FLRT1: variants seen among roughly 807,000 people sequenced by gnomAD.
FLRT1 encodes leucine-rich repeat transmembrane protein FLRT1.
FLRT1 carries 14 observed loss-of-function variants against 30.9 expected under a neutral mutation model. The ratio of observed to expected loss-of-function variants is 0.45; its 90% CI spans 0.30 to 0.71. The LOEUF (loss-of-function observed/expected upper bound fraction) is 0.71, where lower values mean the gene tolerates loss of function less well. Ranked by LOEUF, FLRT1 falls within the 30% of genes least tolerant of loss-of-function variation. The pLI is 0.08. For synonymous variants in FLRT1, 368 were observed against 430.4 expected, an observed-to-expected ratio of 0.85 and a Z score of 1.80; for missense variants, 737 against 949.2, an observed-to-expected ratio of 0.78 and a Z score of 2.94.
intron 1 of FLRT1, among the ~76,000 whole-genome samples, chr11:64,084,500 G>A (rs1318969395): frequency 6.6e-6 from 1 of 152,246 alleles, no homozygotes; most frequent in Non-Finnish European, 1.5e-5. Context: ...GTGAGCCTTG[G>A]GGTCACGGGG....
At chr11:64,038,432 G>A (rs921998804) in intron 1 of FLRT1, among the ~76,000 whole-genome samples, 24 of 152,228 alleles carry the variant, frequency 1.6e-4, no homozygotes, top group Admixed American at 3.3e-4. Context: ...TGCTTGCTTC[G>A]AAGTTAGCTG....
In FLRT1 at chr11:64,082,275, G is replaced by GA. The variant is rs761151234; in HGVS notation, c.-1037-20915dup. On this transcript the variant is annotated intron_variant, in intron 1 of 2. Coordinates refer to ENST00000682287, the MANE Select transcript of FLRT1 (RefSeq NM_013280.5). The surrounding 1 kb of genome is among the most constrained non-coding windows in gnomAD (Gnocchi z 4.5). ...AGGATGGCTGAGCCTGGGGGGTGGA[G>GA]AAAATCTTGCCTCCTGCTCTGAGCA... Among the ~76,000 whole-genome samples the GA allele has an allele frequency of 2.0e-5, 3 of 152,126 alleles. No homozygotes were observed. Among genetic ancestry groups the GA allele is most frequent in the Non-Finnish European group, 2.9e-5 (2 of 68,028 alleles).
At chr11:64,057,120 C>T (rs1943800522) in intron 1 of FLRT1, among the ~76,000 whole-genome samples, 1 of 152,252 alleles carries the variant, frequency 6.6e-6, no homozygotes, top group Non-Finnish European at 1.5e-5. Context: ...TGTTCATCGG[C>T]TCCCTAAGTG....
At chr11:64,092,676 C>T (rs1163135218) in intron 1 of FLRT1, among the ~76,000 whole-genome samples, 1 of 152,228 alleles carries the variant, frequency 6.6e-6, no homozygotes, top group Non-Finnish European at 1.5e-5. Flanking sequence ...ACCAGGGAGG[C>T]ACAGGGCAGG....
At position 64,117,587 on chromosome 11, in the gene FLRT1, C is replaced by A. The variant is rs1945013332; in HGVS notation, c.1320C>A (p.Ala440=). The A allele has an allele frequency of 6.2e-7, 1 of 1,611,938 alleles. No homozygotes were observed. Among genetic ancestry groups the A allele is most frequent in the South Asian group, 1.1e-5 (1 of 90,888 alleles). Residue 440 remains alanine, a synonymous_variant, in exon 3 of 3, where the codon GCC becomes GCA. Coordinates refer to ENST00000682287, the MANE Select transcript of FLRT1 (RefSeq NM_013280.5). ...CGGGTGATGGCGCCAAGACCCTGGC[C>A]ATCCACGTGAAGGCCCTGACGGCAG... ...MATGDGAKTL[A]IHVKALTADS...
intron 1 of FLRT1, among the ~76,000 whole-genome samples, chr11:64,049,376 TC>T (rs2134407908): frequency 6.6e-6 from 1 of 152,328 alleles, no homozygotes; most frequent in East Asian, 1.9e-4. Context: ...CCACGGCCAG[TC>T]CTGGGCAGGG....
chr11:64,070,244 C>T (rs1022552105), intron 1 of FLRT1, among the ~76,000 whole-genome samples: 2 of 152,120 alleles, frequency 1.3e-5, no homozygotes, highest in African/African-American at 4.8e-5. Flanking sequence ...TCTGAGTCTA[C>T]TGATCAGAGC....
At chr11:64,109,713 T>C (rs750139904) in intron 2 of FLRT1, among the ~76,000 whole-genome samples, 9 of 152,050 alleles carry the variant, frequency 5.9e-5, no homozygotes, top group Non-Finnish European at 1.3e-4. Context: ...AGGGGATGGT[T>C]GATGGCCCCA....
At chr11:64,042,067 A>C (rs560835705) in intron 1 of FLRT1, among the ~76,000 whole-genome samples, 109 of 152,150 alleles carry the variant, frequency 7.2e-4, no homozygotes, top group African/African-American at 2.6e-3. Context: ...CCAGGCCTGG[A>C]GCTGGCCACA....
rs757935460 is a variant in FLRT1 at position 64,117,956 on chromosome 11, G to A, written c.1689G>A (p.Leu563=). 5.0e-6 allele frequency: 8 copies of A among 1,613,590 alleles called. No homozygotes were observed. In the Admixed American group the frequency reaches 8.3e-5, roughly 17 times the overall value. Reference sequence around the variant, plus strand: ...GCATCATCGGCGGGGCAGTGGCTCTGGTCTTCCTCTTCCTGGTCCTGGGGG... The same window carrying A: ...GCATCATCGGCGGGGCAGTGGCTCTAGTCTTCCTCTTCCTGGTCCTGGGGG... ...LAGIIGGAVA[L]VFLFLVLGAI... is the part of the protein sequence containing the mutation. Residue 563 remains leucine (L), a synonymous_variant, in exon 3 of 3, where the codon CTG becomes CTA. Transcript: ENST00000682287.
chr11:64,049,146 GC>G (rs1943642762), intron 1 of FLRT1, among the ~76,000 whole-genome samples: 1 of 152,194 alleles, frequency 6.6e-6, no homozygotes, highest in African/African-American at 2.4e-5. Flanking sequence ...AAGTGACAGA[GC>G]CCCTGAGAGG....
At chr11:64,075,760 C>T (rs976203593) in intron 1 of FLRT1, among the ~76,000 whole-genome samples, 1 of 152,374 alleles carries the variant, frequency 6.6e-6, no homozygotes, top group Middle Eastern at 3.4e-3. Context: ...GCAACCTCCA[C>T]CTCCCAGGTT....
chr11:64,115,575 ATGT>A (rs899432040), intron 2 of FLRT1, among the ~76,000 whole-genome samples: 18 of 152,320 alleles, frequency 1.2e-4, no homozygotes, highest in African/African-American at 3.6e-4. Context: ...ACAACAGGAC[ATGT>A]TGTTTTAACA....
intron 1 of FLRT1, among the ~76,000 whole-genome samples, chr11:64,043,890 C>A (rs983554911): frequency 2.0e-5 from 3 of 151,520 alleles, no homozygotes; most frequent in Non-Finnish European, 2.9e-5. Flanking sequence ...GGGCTCACAG[C>A]AACCTCTGTC....
chr11:64,104,790 G>A (rs1278456622), intron 2 of FLRT1, among the ~76,000 whole-genome samples: 1 of 152,168 alleles, frequency 6.6e-6, no homozygotes, highest in African/African-American at 2.4e-5. Context: ...CTGAGGCCCA[G>A]AGAAGGGCAG....
intron 1 of FLRT1, among the ~76,000 whole-genome samples, chr11:64,042,419 G>C (rs1193285615): frequency 6.6e-6 from 1 of 152,200 alleles, no homozygotes; most frequent in Non-Finnish European, 1.5e-5. Flanking sequence ...GAATGGGGGG[G>C]TGTGAAGGAA....
chr11:64,069,648 T>C (rs1565218407), intron 1 of FLRT1, among the ~76,000 whole-genome samples: 1 of 151,866 alleles, frequency 6.6e-6, no homozygotes, highest in African/African-American at 2.4e-5. Context: ...ATCCTGGGCA[T>C]GGGGAGGCAG....
chr11:64,049,477 G>C (rs1028052537), intron 1 of FLRT1, among the ~76,000 whole-genome samples: 2 of 152,194 alleles, frequency 1.3e-5, no homozygotes, highest in African/African-American at 2.4e-5. Flanking sequence ...CAACCTTATG[G>C]GGGAGGTATG....
Position 64,067,208 on chromosome 11 carries a change from A to C in FLRT1, c.-1038+31049A>C, listed in dbSNP as rs1232109412. On this transcript the variant is annotated intron_variant, in intron 1 of 2. Transcript: ENST00000682287. This position sits in a 1 kb window ranked among gnomAD's most constrained non-coding sequence, Gnocchi z 4.6. ...ACATGCGGCTCCAAGGAGATGGCAG[A>C]TGGGAGGGGTGGGGAGAGGCCTTGC... 2.0e-5 allele frequency among the ~76,000 whole-genome samples: 3 copies of C among 152,024 alleles called. No homozygotes were observed. Among genetic ancestry groups the C allele is most frequent in the African/African-American group, 7.2e-5 (3 of 41,402 alleles).
Sources: allele counts gnomAD v4.1 joint callset (sites outside exome capture counted in the v4.1 genomes callset), GRCh38; gene constraint gnomAD v4.1.1; non-coding constraint Gnocchi (gnomAD v3.1); transcripts MANE v1.5; gene names NCBI Gene and HGNC (gene_info 2026-07-23, HGNC 2026-07-21).